Variants in KDM5B observed in about 807,000 individuals in gnomAD.
KDM5B encodes lysine-specific demethylase 5B.
In KDM5B, 144 loss-of-function variants were observed where a neutral mutation model predicts 193.4. That is an observed-to-expected ratio of 0.74 (90% CI 0.65 to 0.86). KDM5B has a LOEUF of 0.86. Among genes scored for constraint, KDM5B ranks in the 40% least tolerant of loss-of-function variants. The pLI is 0.00. For synonymous variants in KDM5B, 668 were observed against 682.6 expected (o/e 0.98, Z 0.33); for missense variants, 1,833 against 1,886.9 (o/e 0.97, Z 0.53).
chr1:202,732,330 A>G (rs1351762376), intron 23 of KDM5B, among the ~76,000 whole-genome samples: 1 of 152,218 alleles, frequency 6.6e-6, no homozygotes, highest in Non-Finnish European at 1.5e-5. Context: ...ACCTGTCAGA[A>G]ATCATCCATA....
chr1:202,735,686 G>T, intron 21 of KDM5B, 99 bp from the exon 22 acceptor site: 1 of 1,098,510 alleles, frequency 9.1e-7, no homozygotes, highest in Non-Finnish European at 1.3e-6. Flanking sequence ...AAAAGGATGT[G>T]CATTTCTTAG....
chr1:202,786,301 C>A (rs2102321533), intron 1 of KDM5B, among the ~76,000 whole-genome samples: 1 of 152,060 alleles, frequency 6.6e-6, no homozygotes, highest in South Asian at 2.1e-4. Flanking sequence ...TGAGCCACCA[C>A]ACCCAATCCA....
At chr1:202,768,941 T>C (rs1302502622) in intron 4 of KDM5B, among the ~76,000 whole-genome samples, 3 of 151,954 alleles carry the variant, frequency 2.0e-5, no homozygotes, top group African/African-American at 7.2e-5. Flanking sequence ...CTCAAACTCC[T>C]GACCTCAGGT....
intron 7 of KDM5B, among the ~76,000 whole-genome samples, chr1:202,760,947 G>A (rs1321276392): frequency 6.6e-6 from 1 of 151,832 alleles, no homozygotes; most frequent in Non-Finnish European, 1.5e-5. Context: ...AGGATTTCTT[G>A]AGCCTGGTAG....
chr1:202,784,865 C>G (rs1657342152), intron 1 of KDM5B, among the ~76,000 whole-genome samples: 1 of 151,872 alleles, frequency 6.6e-6, no homozygotes, highest in Non-Finnish European at 1.5e-5. Context: ...AAAACCAAGT[C>G]TCTACAAAAA....
intron 4 of KDM5B, chr1:202,767,292 C>T: frequency 6.2e-7 from 1 of 1,609,408 alleles, no homozygotes; most frequent in Non-Finnish European, 8.5e-7. Context: ...ATCCAAAGTA[C>T]AAACACATCT....
chr1:202,803,435 G>T (rs769310619), intron 1 of KDM5B, among the ~76,000 whole-genome samples: 3 of 152,122 alleles, frequency 2.0e-5, no homozygotes, highest in Non-Finnish European at 2.9e-5. Flanking sequence ...TATGTTTGTG[G>T]CTACTAATGT....
rs140926329 is a variant in KDM5B, at chr1:202,729,748, T to C, written c.4456A>G (p.Ile1486Val). The change falls in exon 26 of 27, where the codon ATC becomes GTC. Residue 1486 changes from isoleucine (I) to valine (V), a missense_variant. This residue lies in a region of KDM5B where 1,379 missense variants were observed against 1,349.6 expected (regional missense o/e 1.02). Transcript: ENST00000367265. Reference protein sequence around the residue: ...EQEDSEDEDAICPAVSCLQPE... With the variant: ...EQEDSEDEDAVCPAVSCLQPE... ...TGCAGGCAGCTCACAGCTGGGCAGA[T>C]GGCATCTTCATCCTCAGAGTCTTCC... The C allele has an allele frequency of 1.2e-6, 2 of 1,614,014 alleles. No individual in the cohort carries two copies. The highest frequency in any genetic ancestry group is 2.2e-5 in the East Asian group (1 of 44,896).
At chr1:202,743,438 T>C (rs1250506983) in intron 16 of KDM5B, among the ~76,000 whole-genome samples, 1 of 152,106 alleles carries the variant, frequency 6.6e-6, no homozygotes, top group East Asian at 1.9e-4. Context: ...ATAAATCTTA[T>C]TGTGGCTTGA....
chr1:202,773,821 T>A (rs1390893852), intron 3 of KDM5B, among the ~76,000 whole-genome samples: 2 of 150,646 alleles, frequency 1.3e-5, no homozygotes, highest in African/African-American at 2.4e-5. Context: ...CACTGCAACC[T>A]CCGCCTCCTG....
intron 1 of KDM5B, chr1:202,806,673 A>C (rs147708287): frequency 6.6e-6 from 1 of 152,310 alleles, no homozygotes; most frequent in East Asian, 1.9e-4. Flanking sequence ...AAGGGTTAAG[A>C]AGCCTTATTT....
At chr1:202,776,746 T>C (rs1457962642) in intron 2 of KDM5B, among the ~76,000 whole-genome samples, 1 of 152,076 alleles carries the variant, frequency 6.6e-6, no homozygotes, top group Non-Finnish European at 1.5e-5. Context: ...AACTATGTTT[T>C]AGCAGAGACA....
intron 8 of KDM5B, among the ~76,000 whole-genome samples, chr1:202,759,184 T>C (rs1445403304): frequency 6.6e-6 from 1 of 152,164 alleles, no homozygotes; most frequent in East Asian, 1.9e-4. Flanking sequence ...ATAAACCTCC[T>C]TACTATTATA....
rs560715143 is a variant in KDM5B, at chr1:202,735,195, G to A, written c.3423+234C>T. ...CAACCCACAGGCACTAAACAAGACT[G>A]TTTCTGTGCCTGCAAGACCCTGAGA... On this transcript the variant is annotated intron_variant, in intron 22 of 26. Coordinates refer to ENST00000367265, the MANE Select transcript of KDM5B (RefSeq NM_006618.5). Among the ~76,000 whole-genome samples the A allele has an allele frequency of 9.7e-4, 148 of 152,280 alleles. 1 individual carries two copies. Among genetic ancestry groups the A allele is most frequent in the African/African-American group, 3.4e-3 (142 of 41,564 alleles).
chr1:202,800,420 A>G lies in KDM5B; in HGVS notation c.204+7682T>C, dbSNP rs1056914068. Reference sequence around the variant, plus strand: ...CAGTGGCGTGATCAGGGCTCACCGCAACCTGGAACTTCTGAGCTCAAGCCA... The same window carrying G: ...CAGTGGCGTGATCAGGGCTCACCGCGACCTGGAACTTCTGAGCTCAAGCCA... On this transcript the variant is annotated intron_variant, in intron 1 of 26. Coordinates refer to ENST00000367265, the MANE Select transcript of KDM5B (RefSeq NM_006618.5). 1.8e-4 allele frequency among the ~76,000 whole-genome samples: 27 copies of G among 152,132 alleles called. 2 individuals are homozygous for G. The South Asian group carries it at 2.5e-3, about 14-fold the overall frequency.
intron 1 of KDM5B, among the ~76,000 whole-genome samples, chr1:202,781,658 G>A (rs938444449): frequency 1.3e-5 from 2 of 152,174 alleles, no homozygotes; most frequent in Non-Finnish European, 2.9e-5. Context: ...TCTATGGTAG[G>A]CTAACAGGAA....
At chr1:202,765,545 A>G (rs963510012) in intron 5 of KDM5B, among the ~76,000 whole-genome samples, 24 of 152,244 alleles carry the variant, frequency 1.6e-4, no homozygotes, top group Admixed American at 1.4e-3. Context: ...ATACACATGT[A>G]TAAGATCAAG....
chr1:202,773,787 C>T (rs1258629561), intron 3 of KDM5B, among the ~76,000 whole-genome samples: 1 of 150,442 alleles, frequency 6.6e-6, no homozygotes, highest in Non-Finnish European at 1.5e-5. Context: ...GCCCAGCCCG[C>T]AGTGCAATGG....
At chr1:202,790,089 C>A (rs1323945577) in intron 1 of KDM5B, among the ~76,000 whole-genome samples, 3 of 151,894 alleles carry the variant, frequency 2.0e-5, no homozygotes, top group African/African-American at 4.8e-5. Flanking sequence ...CATGGAGAAA[C>A]CCTGTTTCTA....
Sources: allele counts gnomAD v4.1 joint callset (sites outside exome capture counted in the v4.1 genomes callset), GRCh38; gene constraint gnomAD v4.1.1; regional missense constraint gnomAD v4.1.1; transcripts MANE v1.5; gene names NCBI Gene and HGNC (gene_info 2026-07-23, HGNC 2026-07-21).